The following SWAP70 variants were observed in gnomAD, a reference collection of about 807,000 sequenced individuals.
The protein encoded by SWAP70 is switching B cell complex subunit SWAP70.
A neutral mutation model predicts 80.2 loss-of-function variants in SWAP70; 34 were observed. The observed-to-expected ratio is 0.42, with a 90% CI of 0.32 to 0.56. SWAP70 has a LOEUF of 0.56. SWAP70 is among the 20% of genes least tolerant of loss of function. The probability of loss-of-function intolerance (pLI) is 0.09; values close to 1 mark genes in which losing one functional copy is unlikely to be tolerated. For missense variants in SWAP70, 578 were observed against 690.7 expected (o/e 0.84, Z 1.83); for synonymous variants, 239 against 238.5 (o/e 1.00, Z -0.02).
intron 10 of SWAP70, 35 bp downstream of exon 10, chr11:9,748,091 A>G: frequency 6.3e-7 from 1 of 1,586,964 alleles, no homozygotes; most frequent in Non-Finnish European, 8.6e-7. Flanking sequence ...TTGTATATTT[A>G]AATTTTTGAA....
intron 4 of SWAP70, among the ~76,000 whole-genome samples, chr11:9,726,238 C>T (rs1432042324): frequency 6.6e-6 from 1 of 152,136 alleles, no homozygotes; most frequent in Non-Finnish European, 1.5e-5. Flanking sequence ...TTTTTCTCAG[C>T]ACCCAGCATA....
intron 1 of SWAP70, among the ~76,000 whole-genome samples, chr11:9,674,181 G>A (rs1374633180): frequency 6.6e-6 from 1 of 152,160 alleles, no homozygotes; most frequent in African/African-American, 2.4e-5. Context: ...GATTACAGGT[G>A]TGAGCCACTG....
intron 1 of SWAP70, among the ~76,000 whole-genome samples, chr11:9,686,818 C>T (rs1419569431): frequency 6.6e-6 from 1 of 152,126 alleles, no homozygotes; most frequent in African/African-American, 2.4e-5. Context: ...ATGTTTTTAA[C>T]CCAGGATACT....
At chr11:9,673,767 T>TG (rs764364001) in intron 1 of SWAP70, among the ~76,000 whole-genome samples, 15 of 151,988 alleles carry the variant, frequency 9.9e-5, no homozygotes, top group Non-Finnish European at 2.1e-4. Flanking sequence ...ATAGAAAGGT[T>TG]GGGGGAGATG....
chr11:9,684,314 T>G (rs1364898985), intron 1 of SWAP70, among the ~76,000 whole-genome samples: 1 of 152,192 alleles, frequency 6.6e-6, no homozygotes, highest in African/African-American at 2.4e-5. Context: ...ACTCCTGACC[T>G]CAAGTGATCC....
rs1163717464 is a variant in SWAP70 at position 9,751,830 on chromosome 11, T to A, written c.*1860T>A. On this transcript the variant is annotated 3_prime_UTR_variant, in exon 12 of 12. Coordinates refer to ENST00000318950, the MANE Select transcript of SWAP70 (RefSeq NM_015055.4). ...ATGTAACTTTAACGGTTTCTTATAG[T>A]TGCCTTTATAAAGTGTATTGTCTAA... The A allele has an allele frequency of 6.6e-6, 1 of 152,190 alleles. No individual in the cohort carries two copies. Among genetic ancestry groups the A allele is most frequent in the Non-Finnish European group, 1.5e-5 (1 of 68,028 alleles). The allele number at this position is 152,190 out of a possible 1,614,324, so 9.4% of individuals were successfully genotyped here.
intron 1 of SWAP70, among the ~76,000 whole-genome samples, chr11:9,673,278 A>G (rs1407423002): frequency 6.6e-6 from 1 of 152,202 alleles, no homozygotes; most frequent in East Asian, 1.9e-4. Flanking sequence ...AGAGTGGCTC[A>G]CAGAACTTAG....
intron 3 of SWAP70, among the ~76,000 whole-genome samples, chr11:9,718,551 A>G (rs547203317): frequency 1.1e-4 from 17 of 152,362 alleles, no homozygotes; most frequent in Non-Finnish European, 2.2e-4. Flanking sequence ...TTCAAAAACT[A>G]TATTTGGACT....
At chr11:9,734,430 T>C (rs1851338632) in intron 7 of SWAP70, among the ~76,000 whole-genome samples, 1 of 152,214 alleles carries the variant, frequency 6.6e-6, no homozygotes, top group Non-Finnish European at 1.5e-5. Flanking sequence ...AAGGCATGCC[T>C]GGTGTTAGCA....
intron 1 of SWAP70, among the ~76,000 whole-genome samples, chr11:9,672,193 G>GTATATATATATATA (rs1427255406): frequency 5.3e-5 from 1 of 18,888 alleles, no homozygotes; most frequent in Non-Finnish European, 1.2e-4. Flanking sequence ...ATATGTGTGT[G>GTATATATATATATA]TCTATATATA....
intron 1 of SWAP70, among the ~76,000 whole-genome samples, chr11:9,665,272 G>T (rs1381747063): frequency 6.6e-6 from 1 of 152,162 alleles, no homozygotes; most frequent in African/African-American, 2.4e-5. Context: ...CTGAGTAGTG[G>T]CTTTTATGCC....
intron 1 of SWAP70, among the ~76,000 whole-genome samples, chr11:9,679,717 G>C (rs904830276): frequency 6.6e-6 from 1 of 152,092 alleles, no homozygotes; most frequent in African/African-American, 2.4e-5. Flanking sequence ...TGCCCAGGCT[G>C]GAGTGTGGTG....
intron 1 of SWAP70, among the ~76,000 whole-genome samples, chr11:9,683,029 T>C (rs1850587205): frequency 6.6e-6 from 1 of 152,170 alleles, no homozygotes; most frequent in African/African-American, 2.4e-5. Context: ...AAAATTGATC[T>C]TTGGGAAATG....
chr11:9,671,397 TA>T (rs1166943789), intron 1 of SWAP70, among the ~76,000 whole-genome samples: 1 of 104,842 alleles, frequency 9.5e-6, no homozygotes, highest in Non-Finnish European at 1.7e-5. Context: ...TAAATATATA[TA>T]AATATATAAA....
chr11:9,708,862 C>T (rs1239684936), intron 2 of SWAP70, among the ~76,000 whole-genome samples: 2 of 152,136 alleles, frequency 1.3e-5, no homozygotes, highest in Non-Finnish European at 2.9e-5. Flanking sequence ...TAGATGGCCT[C>T]CACCTACTGA....
intron 2 of SWAP70, among the ~76,000 whole-genome samples, chr11:9,707,909 T>C (rs1176357691): frequency 6.6e-6 from 1 of 152,186 alleles, no homozygotes; most frequent in East Asian, 1.9e-4. Flanking sequence ...TTAATAGTTT[T>C]GGGGGAACAG....
At chr11:9,666,775 AGTGCAGTGG>A (rs1850312339) in intron 1 of SWAP70, among the ~76,000 whole-genome samples, 1 of 145,564 alleles carries the variant, frequency 6.9e-6, no homozygotes, top group South Asian at 2.1e-4. Flanking sequence ...CCCAGGCTAG[AGTGCAGTGG>A]TGTGATCTCG....
intron 1 of SWAP70, among the ~76,000 whole-genome samples, chr11:9,673,039 G>A (rs536524894): frequency 5.9e-5 from 9 of 152,250 alleles, no homozygotes; most frequent in Admixed American, 5.2e-4. Context: ...TAAGCAATCA[G>A]TTCTGCAGTG....
rs141563962 is a variant in SWAP70 at position 9,704,262 on chromosome 11, A to G, written c.241-9204A>G. On this transcript the variant is annotated intron_variant, in intron 2 of 11. Transcript: ENST00000318950. Reference sequence around the variant, plus strand: ...CCTCACTGTGCAAACACACTGGTCAATTTATCCAGCATTCAATGCTTTGGA... The same window carrying G: ...CCTCACTGTGCAAACACACTGGTCAGTTTATCCAGCATTCAATGCTTTGGA... Among the ~76,000 whole-genome samples, 103 of 152,232 alleles carry G rather than the reference A, an allele frequency of 6.8e-4. 1 individual carries two copies. The Middle Eastern group carries it at 0.01, about 15-fold the overall frequency.
Sources: allele counts gnomAD v4.1 joint callset (sites outside exome capture counted in the v4.1 genomes callset), GRCh38; gene constraint gnomAD v4.1.1; transcripts MANE v1.5; gene names NCBI Gene and HGNC (gene_info 2026-07-23, HGNC 2026-07-21).